Variants in CPA6 observed in about 807,000 individuals in gnomAD.
CPA6 encodes carboxypeptidase B.
CPA6 carries 58 observed loss-of-function variants against 63.3 expected under a neutral mutation model. The observed-to-expected ratio is 0.92, with a 90% CI of 0.74 to 1.14. CPA6 has a LOEUF of 1.14. CPA6 is among the 50% of genes most tolerant of loss of function. The pLI is 0.00. For missense variants in CPA6, 565 were observed against 526.6 expected, an observed-to-expected ratio of 1.07 and a Z score of -0.71; for synonymous variants, 185 against 179.0, an observed-to-expected ratio of 1.03 and a Z score of -0.27.
chr8:67,691,110 G>A (rs891919022), intron 1 of CPA6, among the ~76,000 whole-genome samples: 4 of 152,068 alleles, frequency 2.6e-5, no homozygotes, highest in African/African-American at 9.7e-5. Flanking sequence ...TAATACAAAA[G>A]GAAACATTTA....
intron 8 of CPA6, among the ~76,000 whole-genome samples, chr8:67,462,484 T>C (rs1299405541): frequency 1.3e-5 from 2 of 152,260 alleles, no homozygotes; most frequent in East Asian, 3.8e-4. Flanking sequence ...TCCTTGTACC[T>C]ATATTATTTC....
chr8:67,624,040 T>C, intron 2 of CPA6, 136 bp downstream of exon 2: 2 of 526,574 alleles, frequency 3.8e-6, no homozygotes, highest in Middle Eastern at 3.7e-4. Flanking sequence ...TAAAATAAAA[T>C]AAAAGCTCTT....
At chr8:67,602,430 A>C (rs1814519220) in intron 2 of CPA6, among the ~76,000 whole-genome samples, 1 of 152,192 alleles carries the variant, frequency 6.6e-6, no homozygotes, top group Non-Finnish European at 1.5e-5. Flanking sequence ...ACCTATTCAA[A>C]AATAAATACG....
At chr8:67,495,516 A>T (rs1811692854) in intron 6 of CPA6, among the ~76,000 whole-genome samples, 1 of 152,112 alleles carries the variant, frequency 6.6e-6, no homozygotes, top group Admixed American at 6.5e-5. Context: ...TTCACTTTCC[A>T]TTCCTACATC....
At chr8:67,578,432 C>T (rs1813681046) in intron 2 of CPA6, among the ~76,000 whole-genome samples, 1 of 152,178 alleles carries the variant, frequency 6.6e-6, no homozygotes, top group Non-Finnish European at 1.5e-5. Context: ...GGTGATTTGG[C>T]TTGTCTTGGC....
chr8:67,469,603 C>CA (rs1460290344), intron 8 of CPA6, among the ~76,000 whole-genome samples: 3 of 151,544 alleles, frequency 2.0e-5, no homozygotes, highest in East Asian at 1.9e-4. Flanking sequence ...GAGACTGTCT[C>CA]AAAAAAAAGA....
intron 1 of CPA6, among the ~76,000 whole-genome samples, chr8:67,712,636 G>A (rs1410693213): frequency 1.3e-5 from 2 of 152,128 alleles, no homozygotes; most frequent in Non-Finnish European, 2.9e-5. Context: ...AGAGATTTGG[G>A]ATACTCAGAA....
Position 67,602,719 on chromosome 8 carries a change from G to A in CPA6, c.192+21457C>T, listed in dbSNP as rs143663434. Reference sequence around the variant, plus strand: ...CACAACTGCTGAACTTGGAGAGTTGGAATGAGGTCAGGTTAGCGCCTCGAC... The same window carrying A: ...CACAACTGCTGAACTTGGAGAGTTGAAATGAGGTCAGGTTAGCGCCTCGAC... On this transcript the variant is annotated intron_variant, in intron 2 of 10. Coordinates refer to ENST00000297770, the MANE Select transcript of CPA6 (RefSeq NM_020361.5). Among the ~76,000 whole-genome samples, 279 of 152,280 alleles carry A rather than the reference G, an allele frequency of 1.8e-3. 1 individual carries two copies. The highest frequency in any genetic ancestry group is 6.5e-3 in the African/African-American group (271 of 41,550).
At chr8:67,548,283 A>C in intron 2 of CPA6, among the ~76,000 whole-genome samples, 1 of 132,116 alleles carries the variant, frequency 7.6e-6, no homozygotes. Flanking sequence ...ACAGAGTCTG[A>C]CTCTATTGCC....
At chr8:67,671,692 AT>A (rs1416965781) in intron 1 of CPA6, among the ~76,000 whole-genome samples, 2 of 152,224 alleles carry the variant, frequency 1.3e-5, no homozygotes, top group Admixed American at 6.5e-5. Flanking sequence ...CTAAGAAAAC[AT>A]TTGACATTAG....
At chr8:67,515,535 T>C (rs991657480) in intron 3 of CPA6, among the ~76,000 whole-genome samples, 1 of 152,220 alleles carries the variant, frequency 6.6e-6, no homozygotes, top group Non-Finnish European at 1.5e-5. Flanking sequence ...AAGGTCAGCG[T>C]ATTCTCTTAT....
At chr8:67,423,785 A>G (rs1272962308) in intron 10 of CPA6, among the ~76,000 whole-genome samples, 1 of 152,032 alleles carries the variant, frequency 6.6e-6, no homozygotes, top group African/African-American at 2.4e-5. Context: ...TCTCATCTTC[A>G]TGTTACACTG....
chr8:67,553,096 G>A (rs1042410111), intron 2 of CPA6, among the ~76,000 whole-genome samples: 4 of 152,106 alleles, frequency 2.6e-5, no homozygotes, highest in African/African-American at 9.7e-5. Context: ...TCACCCATAT[G>A]TTATCAAATT....
chr8:67,473,919 A>T (rs1811118471), intron 8 of CPA6, among the ~76,000 whole-genome samples: 1 of 144,972 alleles, frequency 6.9e-6, no homozygotes, highest in African/African-American at 2.5e-5. Context: ...AGAGGAGATT[A>T]AAAAAAAAAA....
chr8:67,526,471 A>G (rs1022087044), intron 2 of CPA6, among the ~76,000 whole-genome samples: 6 of 152,132 alleles, frequency 3.9e-5, no homozygotes, highest in Admixed American at 6.5e-5. Flanking sequence ...GTTCTGTGAA[A>G]TGGTTTATGT....
At chr8:67,633,822 GTC>G (rs143500763) in intron 1 of CPA6, among the ~76,000 whole-genome samples, 162 of 152,006 alleles carry the variant, frequency 1.1e-3, no homozygotes, top group African/African-American at 3.9e-3. Context: ...TGTCTAGAAT[GTC>G]TCTGTAATTT....
chr8:67,522,769 T>G (rs1352150447), intron 2 of CPA6, among the ~76,000 whole-genome samples: 1 of 152,224 alleles, frequency 6.6e-6, no homozygotes, highest in African/African-American at 2.4e-5. Flanking sequence ...GCGCCCAAGG[T>G]GGAAGCCAGT....
chr8:67,656,912 G>A (rs762082469), intron 1 of CPA6, among the ~76,000 whole-genome samples: 1 of 152,106 alleles, frequency 6.6e-6, no homozygotes, highest in Non-Finnish European at 1.5e-5. Context: ...AAATAATTTG[G>A]CATCAAAGCC....
At chr8:67,458,065 C>G (rs1161226473) in intron 8 of CPA6, among the ~76,000 whole-genome samples, 1 of 152,166 alleles carries the variant, frequency 6.6e-6, no homozygotes, top group African/African-American at 2.4e-5. Context: ...AAAAGTGAAT[C>G]TAGACACAGA....
Sources: gnomAD v4.1 joint callset for allele counts (sites outside exome capture counted in the v4.1 genomes callset) on GRCh38, gnomAD v4.1.1 for gene constraint, MANE v1.5 for transcripts, NCBI Gene and HGNC (gene_info 2026-07-23, HGNC 2026-07-21) for gene names.